The following KCNIP4 variants were observed in gnomAD, a reference collection of about 807,000 sequenced individuals.
The protein encoded by KCNIP4 is potassium voltage-gated channel interacting protein 4.
KCNIP4 carries 12 observed loss-of-function variants against 34.0 expected under a neutral mutation model. The ratio of observed to expected loss-of-function variants is 0.35; its 90% CI spans 0.23 to 0.57. The LOEUF (loss-of-function observed/expected upper bound fraction) is 0.57, where lower values mean the gene tolerates loss of function less well. Among genes scored for constraint, KCNIP4 ranks in the 20% least tolerant of loss-of-function variants. The pLI, the probability that KCNIP4 is intolerant of heterozygous loss-of-function variation, is 0.83. For missense variants in KCNIP4, 238 were observed against 311.7 expected, an observed-to-expected ratio of 0.76 and a Z score of 1.78; for synonymous variants, 124 against 102.2, an observed-to-expected ratio of 1.21 and a Z score of -1.29.
At chr4:21,694,468 CATT>C (rs1176957696) in intron 1 of KCNIP4, among the ~76,000 whole-genome samples, 1 of 151,948 alleles carries the variant, frequency 6.6e-6, no homozygotes, top group Non-Finnish European at 1.5e-5. Flanking sequence ...TAAATACAGA[CATT>C]ATATATGTTT....
intron 1 of KCNIP4, among the ~76,000 whole-genome samples, chr4:21,660,331 T>C (rs1439196201): frequency 2.6e-5 from 4 of 152,164 alleles, no homozygotes; most frequent in Admixed American, 2.0e-4. Flanking sequence ...TTCAATAAAC[T>C]TAGGTTAACT....
At chr4:20,832,703 G>T (rs925996130) in intron 3 of KCNIP4, among the ~76,000 whole-genome samples, 15 of 148,358 alleles carry the variant, frequency 1.0e-4, no homozygotes, top group African/African-American at 3.3e-4. Context: ...TTTCCTTGTT[G>T]ACCTATTTGA....
intron 1 of KCNIP4, among the ~76,000 whole-genome samples, chr4:21,274,753 A>C (rs2109145008): frequency 6.6e-6 from 1 of 152,292 alleles, no homozygotes; most frequent in Non-Finnish European, 1.5e-5. Context: ...TTTCATCGAG[A>C]GTTTTAAATT....
chr4:21,070,574 C>A (rs1218702353), intron 1 of KCNIP4, among the ~76,000 whole-genome samples: 3 of 151,114 alleles, frequency 2.0e-5, no homozygotes, highest in Non-Finnish European at 2.9e-5. Flanking sequence ...GCTCACTGGA[C>A]ACCCATATTT....
At chr4:21,874,129 T>C (rs1315143324) in intron 1 of KCNIP4, among the ~76,000 whole-genome samples, 1 of 152,202 alleles carries the variant, frequency 6.6e-6, no homozygotes, top group African/African-American at 2.4e-5. Flanking sequence ...ACCATATCAT[T>C]GGGTGGAATT....
intron 1 of KCNIP4, among the ~76,000 whole-genome samples, chr4:21,673,924 C>T (rs1379016872): frequency 6.6e-6 from 1 of 152,154 alleles, no homozygotes; most frequent in Admixed American, 6.5e-5. Context: ...CATTATTGTA[C>T]ATGTTTCTAT....
chr4:21,012,675 T>C (rs183491452), intron 1 of KCNIP4, among the ~76,000 whole-genome samples: 2 of 152,346 alleles, frequency 1.3e-5, no homozygotes, highest in East Asian at 3.9e-4. Context: ...ACAGGAAATG[T>C]TCAACCAGGA....
intron 1 of KCNIP4, among the ~76,000 whole-genome samples, chr4:21,072,452 T>C (rs1048279860): frequency 1.1e-4 from 16 of 152,160 alleles, no homozygotes; most frequent in African/African-American, 2.9e-4. Flanking sequence ...TTTTCAGAAG[T>C]GTCTGTTCAT....
At chr4:21,085,424 C>T (rs1304422508) in intron 1 of KCNIP4, among the ~76,000 whole-genome samples, 13 of 152,190 alleles carry the variant, frequency 8.5e-5, no homozygotes, top group Admixed American at 8.5e-4. Context: ...GACTAAGACA[C>T]CCATCTAACT....
rs554860426 is a variant in KCNIP4, at chr4:21,400,076, A to T, written c.62-517367T>A. Among the ~76,000 whole-genome samples, 12 of 152,272 alleles carry T rather than the reference A, an allele frequency of 7.9e-5. No homozygotes were observed. The South Asian group carries it at 2.1e-3, about 26-fold the overall frequency. On this transcript the variant is annotated intron_variant, in intron 1 of 8. Transcript: ENST00000382152. Reference sequence around the variant, plus strand: ...TGCTCTGATCCCATCTCTTCCTTGGATTCAACCTCAAGTCCTGGAATTCAT... The same window carrying T: ...TGCTCTGATCCCATCTCTTCCTTGGTTTCAACCTCAAGTCCTGGAATTCAT...
chr4:21,801,837 G>A (rs866002365), intron 1 of KCNIP4, among the ~76,000 whole-genome samples: 8 of 151,960 alleles, frequency 5.3e-5, no homozygotes, highest in Non-Finnish European at 1.0e-4. Context: ...AGGCTGAGAA[G>A]CAGTGGCCTC....
chr4:21,359,681 C>T (rs1236256264), intron 1 of KCNIP4, among the ~76,000 whole-genome samples: 1 of 152,078 alleles, frequency 6.6e-6, no homozygotes, highest in African/African-American at 2.4e-5. Context: ...TGAAACAAGA[C>T]TCTAATAAAT....
chr4:21,404,821 TA>T (rs1000449287), intron 1 of KCNIP4, among the ~76,000 whole-genome samples: 2 of 152,198 alleles, frequency 1.3e-5, no homozygotes, highest in Non-Finnish European at 2.9e-5. Context: ...ATTTGCTACA[TA>T]TCCAAGAATT....
chr4:21,586,451 G>A lies in KCNIP4; in HGVS notation c.61+362120C>T, dbSNP rs188415486. On this transcript the variant is annotated intron_variant, in intron 1 of 8. Transcript: ENST00000382152. ...TGCCTCCCCCAGTGTCTCCCTTTGG[G>A]TGAATGTGGAGGGGATGGGTGTTAG... Among the ~76,000 whole-genome samples, 9 of 152,144 alleles carry A rather than the reference G, an allele frequency of 5.9e-5. No homozygotes were observed. In the East Asian group the frequency reaches 1.2e-3, roughly 20 times the overall value.
At position 20,776,383 on chromosome 4, in the gene KCNIP4, A is replaced by G. The variant is rs563843945; in HGVS notation, c.289-17493T>C. ...GGAGATTAATATTTGGATTTAAATA[A>G]TAGGAGCTCTACTTTCGGTTTCTTG... On this transcript the variant is annotated intron_variant, in intron 3 of 8. Coordinates refer to ENST00000382152, the MANE Select transcript of KCNIP4 (RefSeq NM_025221.6). 5.9e-5 allele frequency among the ~76,000 whole-genome samples: 9 copies of G among 152,348 alleles called. No individual in the cohort carries two copies. In the South Asian group the frequency reaches 1.7e-3, roughly 28 times the overall value.
intron 8 of KCNIP4, 48 bp from the exon 9 acceptor site, chr4:20,730,177 A>AAAAGT (rs769494876): frequency 5.0e-5 from 78 of 1,568,526 alleles, no homozygotes; most frequent in Middle Eastern, 1.7e-4. Flanking sequence ...ATCTGCAAGG[A>AAAAGT]AAAGTACACT....
chr4:21,490,822 G>A (rs6830109), intron 1 of KCNIP4, among the ~76,000 whole-genome samples: 1 of 151,988 alleles, frequency 6.6e-6, no homozygotes, highest in Non-Finnish European at 1.5e-5. Context: ...GATGCATAGA[G>A]GATGCAGGAA....
At chr4:20,864,721 G>A (rs182386371) in intron 2 of KCNIP4, among the ~76,000 whole-genome samples, 1 of 152,018 alleles carries the variant, frequency 6.6e-6, no homozygotes, top group African/African-American at 2.4e-5. Flanking sequence ...ATTGAAAGGG[G>A]TATTGAGTCC....
At chr4:21,471,888 A>G (rs1442609821) in intron 1 of KCNIP4, among the ~76,000 whole-genome samples, 3 of 149,050 alleles carry the variant, frequency 2.0e-5, no homozygotes, top group African/African-American at 7.3e-5. Context: ...CTGGTAAAAC[A>G]TCTGACAAAC....
Sources: allele counts gnomAD v4.1 joint callset (sites outside exome capture counted in the v4.1 genomes callset), GRCh38; gene constraint gnomAD v4.1.1; transcripts MANE v1.5; gene names NCBI Gene and HGNC (gene_info 2026-07-23, HGNC 2026-07-21).